Variants in ODR4 observed in about 807,000 individuals in gnomAD.
ODR4 encodes odr-4 GPCR localization factor homolog.
ODR4 carries 47 observed loss-of-function variants against 60.2 expected under a neutral mutation model. That is an observed-to-expected ratio of 0.78 (90% CI 0.62 to 1.00). The LOEUF is 1.00. Ranked by LOEUF, ODR4 falls within the 50% of genes least tolerant of loss-of-function variation. The probability of loss-of-function intolerance (pLI) is 0.00; values close to 1 mark genes in which losing one functional copy is unlikely to be tolerated. For missense variants in ODR4, 488 were observed against 530.8 expected, an observed-to-expected ratio of 0.92 and a Z score of 0.79; for synonymous variants, 178 against 175.5, an observed-to-expected ratio of 1.01 and a Z score of -0.11.
chr1:186,383,625 A>G (rs1009675423), intron 3 of ODR4, among the ~76,000 whole-genome samples: 13 of 150,718 alleles, frequency 8.6e-5, no homozygotes, highest in Admixed American at 2.0e-4. Context: ...TCCTTTTCCA[A>G]TCAACTTTAA....
At chr1:186,401,317 T>C in intron 11 of ODR4, 1 of 752,524 alleles carries the variant, frequency 1.3e-6, no homozygotes, top group Non-Finnish European at 2.1e-6. Context: ...AAGTTTTTAC[T>C]GGCAATTGGG....
At chr1:186,411,618 A>G (rs1372196883) in intron 12 of ODR4, among the ~76,000 whole-genome samples, 2 of 152,042 alleles carry the variant, frequency 1.3e-5, no homozygotes, top group East Asian at 3.9e-4. Flanking sequence ...CTTGTGAAAT[A>G]TTAGCATGAA....
Position 186,418,996 on chromosome 1 carries a change from G to C in ODR4, c.1298-13G>C. The C allele has an allele frequency of 6.3e-7, 1 of 1,597,446 alleles. No individual in the cohort carries two copies. The highest frequency in any genetic ancestry group is 8.5e-7 in the Non-Finnish European group (1 of 1,171,006). On this transcript the variant is annotated splice_polypyrimidine_tract_variant and intron_variant, in intron 13 of 13. Transcript: ENST00000287859. ...TTCCATTTTCATTTGTTCTGTGTTTGTTTTACTTTTAGGTGTGATTGCAGC... is the reference window on the plus strand; with the variant it reads ...TTCCATTTTCATTTGTTCTGTGTTTCTTTTACTTTTAGGTGTGATTGCAGC...
chr1:186,377,793 C>A (rs1285438797), intron 1 of ODR4, among the ~76,000 whole-genome samples: 1 of 152,150 alleles, frequency 6.6e-6, no homozygotes, highest in Non-Finnish European at 1.5e-5. Context: ...CACCTGTAAT[C>A]CCAGCACTTT....
chr1:186,423,611 C>T (rs111264801), downstream of ODR4, among the ~76,000 whole-genome samples: 129 of 151,724 alleles, frequency 8.5e-4, no homozygotes, highest in African/African-American at 2.2e-3. Context: ...CCCACCACCA[C>T]GCCCGGCTAA....
intron 12 of ODR4, among the ~76,000 whole-genome samples, chr1:186,415,256 A>C (rs954165975): frequency 6.6e-6 from 1 of 151,488 alleles, no homozygotes; most frequent in Admixed American, 6.5e-5. Flanking sequence ...GAAATTAATG[A>C]GAAGTAGGTA....
In ODR4 at chr1:186,398,428, A is replaced by C. The variant is rs1160008945; in HGVS notation, c.896A>C (p.Lys299Thr). The C allele has an allele frequency of 1.1e-5, 18 of 1,607,064 alleles. No individual in the cohort carries two copies. The South Asian group carries it at 2.0e-4, about 18-fold the overall frequency. The change falls in exon 10 of 14, where the codon AAA becomes ACA. Residue 299 changes from lysine (K) to threonine (T), a missense_variant. Lys to Thr is a moderately conservative substitution (Grantham distance 78). Transcript: ENST00000287859. ...AYIHSSKPKVKDAVQAVKRDI... is the reference protein window; with the variant it reads ...AYIHSSKPKVTDAVQAVKRDI... ...ATCCACAGCAGTAAACCCAAAGTTAAAGATGCTGTGCAGGTACAAAAAGGA... is the reference window on the plus strand; with the variant it reads ...ATCCACAGCAGTAAACCCAAAGTTACAGATGCTGTGCAGGTACAAAAAGGA...
the ODR4 span, among the ~76,000 whole-genome samples, chr1:186,432,512 G>C: frequency 5.8e-3 from 885 of 152,004 alleles, 9 homozygotes; most frequent in African/African-American, 0.02. Context: ...GTGTTTTTTT[G>C]GGGGGTAATA....
Position 186,383,037 on chromosome 1 carries a change from G to A in ODR4, c.115G>A (p.Asp39Asn). 6.3e-7 allele frequency: 1 copy of A among 1,584,356 alleles called. No homozygotes were observed. The highest frequency in any genetic ancestry group is 1.8e-5 in the Admixed American group (1 of 55,318). Reference sequence around the variant, plus strand: ...GTTGTTGAAGTGTTCGTCACAAAAGGATTATGTGATTCTTGCCACTAGAAC... The same window carrying A: ...GTTGTTGAAGTGTTCGTCACAAAAGAATTATGTGATTCTTGCCACTAGAAC... ...LLIGQCSSQK[D>N]YVILATRTPP... Residue 39 changes from aspartate (D) to asparagine (N), a missense_variant, in exon 3 of 14, where the codon GAT becomes AAT. Physicochemically the swap from Asp to Asn is conservative, Grantham distance 23. Transcript: ENST00000287859.
the ODR4 span, among the ~76,000 whole-genome samples, chr1:186,432,978 G>C: frequency 6.6e-6 from 1 of 151,822 alleles, no homozygotes; most frequent in Non-Finnish European, 1.5e-5. Context: ...TAGAGATGGG[G>C]TTTCACCATG....
intron 12 of ODR4, chr1:186,417,335 A>G (rs1468218441): frequency 1.3e-5 from 6 of 463,132 alleles, no homozygotes; most frequent in Non-Finnish European, 2.3e-5. Flanking sequence ...TGATAAAGCT[A>G]CATTGTTTTG....
chr1:186,417,549 A>G lies in ODR4; in HGVS notation c.1192A>G (p.Met398Val), dbSNP rs375808249. 6.4e-6 allele frequency: 10 copies of G among 1,561,374 alleles called. No homozygotes were observed. Among genetic ancestry groups the G allele is most frequent in the Non-Finnish European group, 7.9e-6 (9 of 1,141,790 alleles). ...EIAEETNTAC[M>V]SSSMNSQASL... ...TTATTATTATACCCTTTCAGCTTGT[A>G]TGAGTTCTTCTATGAATAGTCAAGC... The change falls in exon 13 of 14, where the codon ATG becomes GTG. Residue 398 changes from methionine (M) to valine (V), a missense_variant. By Grantham distance (21) the Met-to-Val change is conservative. Transcript: ENST00000287859.
At chr1:186,379,236 A>G (rs1659920975) in intron 1 of ODR4, among the ~76,000 whole-genome samples, 1 of 151,978 alleles carries the variant, frequency 6.6e-6, no homozygotes, top group East Asian at 1.9e-4. Flanking sequence ...TGAGGTCAGG[A>G]GTTCGAGACC....
In ODR4 at chr1:186,418,360, G is replaced by A. The variant is rs1436429812; in HGVS notation, c.1298-649G>A. On this transcript the variant is annotated intron_variant, in intron 13 of 13. Coordinates refer to ENST00000287859, the MANE Select transcript of ODR4 (RefSeq NM_017847.6). ...GGCTGGAGTGCAGTGGCGCAATCTCGGCTCACTGCAAGCTCCGCTTCCCGG... is the reference window on the plus strand; with the variant it reads ...GGCTGGAGTGCAGTGGCGCAATCTCAGCTCACTGCAAGCTCCGCTTCCCGG... Among the ~76,000 whole-genome samples, 4 of 147,812 alleles carry A rather than the reference G, an allele frequency of 2.7e-5. No individual in the cohort carries two copies. The Admixed American group carries it at 2.7e-4, about 10-fold the overall frequency.
downstream of ODR4, among the ~76,000 whole-genome samples, chr1:186,424,055 T>C (rs1016647759): frequency 6.6e-6 from 1 of 152,192 alleles, no homozygotes; most frequent in Non-Finnish European, 1.5e-5. Context: ...ACACTAACCA[T>C]TCTACCTCTA....
downstream of ODR4, among the ~76,000 whole-genome samples, chr1:186,423,878 ATAAT>A (rs529940309): frequency 1.5e-3 from 221 of 152,306 alleles, no homozygotes; most frequent in African/African-American, 5.1e-3. Context: ...AATTAAAACC[ATAAT>A]TAATAACATT....
At chr1:186,408,957 G>C (rs1661272993) in intron 12 of ODR4, among the ~76,000 whole-genome samples, 2 of 151,730 alleles carry the variant, frequency 1.3e-5, no homozygotes, top group Non-Finnish European at 2.9e-5. Flanking sequence ...CAAGTATATA[G>C]ACTAGTTTAA....
At chr1:186,434,704 C>T in the ODR4 span, among the ~76,000 whole-genome samples, 1 of 152,034 alleles carries the variant, frequency 6.6e-6, no homozygotes, top group Non-Finnish European at 1.5e-5. Flanking sequence ...AATGTAGAGC[C>T]ATGGCCTTAT....
At chr1:186,401,218 C>T (rs747429766) in intron 11 of ODR4, 5 of 1,517,230 alleles carry the variant, frequency 3.3e-6, no homozygotes, top group African/African-American at 1.4e-5. Context: ...ATTAATGGCC[C>T]CTAACAGCAG....
Sources: gnomAD v4.1 joint callset for allele counts (sites outside exome capture counted in the v4.1 genomes callset) on GRCh38, gnomAD v4.1.1 for gene constraint, MANE v1.5 for transcripts, NCBI Gene and HGNC (gene_info 2026-07-23, HGNC 2026-07-21) for gene names.